The following OGFOD2 variants were observed in gnomAD, a reference collection of about 807,000 sequenced individuals.
OGFOD2 encodes the protein 2-oxoglutarate and iron dependent oxygenase domain containing 2.
OGFOD2 carries 34 observed loss-of-function variants against 31.1 expected under a neutral mutation model. The observed-to-expected ratio is 1.09, with a 90% CI of 0.83 to 1.45. The LOEUF (loss-of-function observed/expected upper bound fraction) is 1.45. Ranked by LOEUF, OGFOD2 falls within the 40% of genes most tolerant of loss-of-function variation. The pLI is 0.00. For synonymous variants in OGFOD2, 240 were observed against 192.3 expected (o/e 1.25, Z -2.05); for missense variants, 537 against 433.9 (o/e 1.24, Z -2.11).
exon 7 of OGFOD2, chr12:122,979,440 T>C: frequency 7.1e-7 from 1 of 1,417,990 alleles, no homozygotes; most frequent in South Asian, 1.4e-5. Flanking sequence ...CCTACTGCAC[T>C]TCTTGGCTCA....
chr12:122,975,772 A>C (rs967293797), intron 1 of OGFOD2, 39 bp from the exon 2 acceptor site: 5 of 693,234 alleles, frequency 7.2e-6, no homozygotes, highest in African/African-American at 3.5e-5. Context: ...GGATTTCCTC[A>C]GGTCATACAG....
upstream of OGFOD2, chr12:122,975,159 G>A (rs2037371945): frequency 2.0e-6 from 1 of 494,622 alleles, no homozygotes; most frequent in South Asian, 3.0e-5. Flanking sequence ...GGAACTTAGA[G>A]CGGCCCCTTG....
exon 7 of OGFOD2, chr12:122,979,666 A>T (rs2037556552): frequency 2.9e-6 from 1 of 343,818 alleles, no homozygotes. Flanking sequence ...CAGTGTGCCC[A>T]CACCACCGGT....
rs2037466013 is a variant in OGFOD2 at position 122,977,404 on chromosome 12, G to A, written c.403+434G>A. ...CCTGGAGTTGTGGCTCTGGGCGGAG[G>A]CCTGCGGCCATGCCAAACTCCAAGT... is the stretch of plus-strand genomic sequence containing the variant. On this transcript the variant is annotated intron_variant, in intron 4 of 6. Transcript: ENST00000228922. 1.3e-5 allele frequency: 3 copies of A among 237,200 alleles called. No homozygotes were observed. In the South Asian group the frequency reaches 1.4e-4, roughly 11 times the overall value. 14.7% of individuals were successfully genotyped at this position (237,200 alleles called of 1,614,324 possible). A position where few individuals can be genotyped will look rare whatever the true frequency, so the allele number is the denominator to read the frequency against.
exon 6 of OGFOD2, chr12:122,978,775 T>C (rs1594100107): frequency 6.2e-7 from 1 of 1,608,418 alleles, no homozygotes; most frequent in South Asian, 1.1e-5. Context: ...GAGCTCGGGC[T>C]GGACGAGCCG....
exon 6 of OGFOD2, chr12:122,978,898 C>G (rs536611110): frequency 6.2e-7 from 1 of 1,612,862 alleles, no homozygotes; most frequent in Non-Finnish European, 8.5e-7. Flanking sequence ...AAATACGCAC[C>G]GGGCCAGGAC....
chr12:122,975,031 C>A, upstream of OGFOD2: 1 of 456,482 alleles, frequency 2.2e-6, no homozygotes, highest in Non-Finnish European at 4.0e-6. Flanking sequence ...GTCCCTGCCT[C>A]GTAGTGGGAA....
chr12:122,976,665 G>A lies in OGFOD2; in HGVS notation c.201G>A (p.Glu67=), dbSNP rs1161295212. Reference sequence around the variant, plus strand: ...CTGTGCCACCCCAGCTTGAGCAGGAGGTGGAGCGGCGGCAGCGGCTGGGGC... The same window carrying A: ...CTGTGCCACCCCAGCTTGAGCAGGAAGTGGAGCGGCGGCAGCGGCTGGGGC... The change falls in exon 3 of 7, where the codon GAG becomes GAA. Residue 67 remains glutamate (E), a synonymous_variant. Coordinates refer to ENST00000228922, the Ensembl canonical transcript of OGFOD2. 3.1e-6 allele frequency: 5 copies of A among 1,606,964 alleles called. No homozygotes were observed. The South Asian group carries it at 5.5e-5, about 18-fold the overall frequency.
exon 7 of OGFOD2, chr12:122,979,219 C>T (rs1305543995): frequency 6.2e-7 from 1 of 1,612,492 alleles, no homozygotes. Context: ...TGGCTCCGAG[C>T]CTCTGCTGTG....
chr12:122,979,918 C>CT (rs2037564887), exon 7 of OGFOD2: 1 of 310,730 alleles, frequency 3.2e-6, no homozygotes, highest in African/African-American at 2.1e-5. Flanking sequence ...GCTTCTGCCA[C>CT]TTCCAGCTGT....
At chr12:122,975,917 G>A (rs1156502545) in intron 2 of OGFOD2, 50 bp downstream of exon 2, 6 of 692,266 alleles carry the variant, frequency 8.7e-6, no homozygotes, top group Non-Finnish European at 1.6e-5. Flanking sequence ...ATTTGTGTCC[G>A]CAGCTTGAGG....
chr12:122,975,733 C>A (rs1303602343), intron 1 of OGFOD2, 78 bp from the exon 2 acceptor site: 2 of 674,068 alleles, frequency 3.0e-6, no homozygotes, highest in Non-Finnish European at 5.5e-6. Context: ...CCATTTTAAG[C>A]AGGGGAAACT....
chr12:122,975,980 C>G, intron 2 of OGFOD2, 113 bp downstream of exon 2: 1 of 656,748 alleles, frequency 1.5e-6, no homozygotes, highest in East Asian at 2.8e-5. Context: ...CACTTAGGCC[C>G]TCACTTTCCT....
intron 4 of OGFOD2, chr12:122,977,260 C>G: frequency 4.6e-6 from 2 of 430,160 alleles, no homozygotes; most frequent in East Asian, 1.1e-4. Context: ...CACACTCAAA[C>G]AGGGCTGATC....
intron 1 of OGFOD2, 31 bp from the exon 2 acceptor site, chr12:122,975,780 C>G (rs574835104): frequency 1.4e-6 from 1 of 700,834 alleles, no homozygotes; most frequent in Non-Finnish European, 2.6e-6. Flanking sequence ...TCAGGTCATA[C>G]AGTCATGCTC....
At chr12:122,979,231 G>T in exon 7 of OGFOD2, 1 of 1,612,618 alleles carries the variant, frequency 6.2e-7, no homozygotes, top group Non-Finnish European at 8.5e-7. Flanking sequence ...TCTGCTGTGC[G>T]CAACAGCCTC....
exon 7 of OGFOD2, chr12:122,979,918 C>G (rs2037564813): frequency 3.2e-6 from 1 of 310,848 alleles, no homozygotes; most frequent in Non-Finnish European, 5.8e-6. Flanking sequence ...GCTTCTGCCA[C>G]TTCCAGCTGT....
At chr12:122,975,814 C>G (rs1460449335) in exon 2 of OGFOD2, 1 of 702,826 alleles carries the variant, frequency 1.4e-6, no homozygotes, top group Admixed American at 2.0e-5. Flanking sequence ...CTCCCAGATC[C>G]TGCGCAGCCG....
At chr12:122,976,933 C>T (rs1218575149) in exon 4 of OGFOD2, 1 of 1,613,732 alleles carries the variant, frequency 6.2e-7, no homozygotes, top group East Asian at 2.2e-5. Flanking sequence ...CAGACGCAGA[C>T]CTCAAGGGCC....
Sources: allele counts gnomAD v4.1 joint callset, GRCh38; gene constraint gnomAD v4.1.1; transcripts MANE v1.5; gene names NCBI Gene and HGNC (gene_info 2026-07-23, HGNC 2026-07-21).